Variants in ARK2N observed in about 807,000 individuals in gnomAD.
ARK2N encodes arkadia (RNF111) N-terminal like PKA signaling regulator 2N.
chr18:46,205,542 G>A, the ARK2N span, among the ~76,000 whole-genome samples: 2 of 152,110 alleles, frequency 1.3e-5, no homozygotes, highest in African/African-American at 2.4e-5. Flanking sequence ...TTGCCTATCC[G>A]TTTATATATG....
chr18:46,253,913 G>A, the ARK2N span: 1 of 1,378,840 alleles, frequency 7.3e-7, no homozygotes, highest in East Asian at 2.4e-5. Flanking sequence ...TAGACTTTAT[G>A]GCATAGCTGG....
the ARK2N span, among the ~76,000 whole-genome samples, chr18:46,176,169 G>A: frequency 2.6e-5 from 4 of 152,142 alleles, no homozygotes; most frequent in African/African-American, 7.2e-5. Context: ...AATTCTGTGC[G>A]CTTCTGTAGT....
the ARK2N span, among the ~76,000 whole-genome samples, chr18:46,209,735 A>G: frequency 6.6e-6 from 1 of 152,092 alleles, no homozygotes; most frequent in African/African-American, 2.4e-5. Flanking sequence ...AGCTTGGACT[A>G]CAGGCGTCCG....
At chr18:46,210,053 T>TA in the ARK2N span, among the ~76,000 whole-genome samples, 22 of 151,608 alleles carry the variant, frequency 1.5e-4, no homozygotes, top group East Asian at 9.7e-4. Flanking sequence ...TTCTAGGACT[T>TA]AAAAAAAAAT....
At chr18:46,207,388 CTT>C in the ARK2N span, among the ~76,000 whole-genome samples, 3 of 115,898 alleles carry the variant, frequency 2.6e-5, no homozygotes, top group Non-Finnish European at 3.5e-5. Flanking sequence ...AGTTTCTATA[CTT>C]TTTTTTTTTT....
chr18:46,247,212 G>C, the ARK2N span, among the ~76,000 whole-genome samples: 1 of 151,944 alleles, frequency 6.6e-6, no homozygotes, highest in Non-Finnish European at 1.5e-5. Flanking sequence ...ATTAACAAAA[G>C]TAGCATAGTA....
the ARK2N span, among the ~76,000 whole-genome samples, chr18:46,233,296 T>C: frequency 6.6e-6 from 1 of 152,162 alleles, no homozygotes; most frequent in Non-Finnish European, 1.5e-5. Flanking sequence ...GCAGGGTACA[T>C]AGACATAGGG....
At chr18:46,206,348 AG>A in the ARK2N span, among the ~76,000 whole-genome samples, 1 of 152,010 alleles carries the variant, frequency 6.6e-6, no homozygotes, top group Non-Finnish European at 1.5e-5. Flanking sequence ...TACCTCCCAA[AG>A]TGCCGGGATT....
chr18:46,265,329 T>C, the ARK2N span: 2 of 152,564 alleles, frequency 1.3e-5, no homozygotes, highest in African/African-American at 4.8e-5. Flanking sequence ...TAACCACATA[T>C]TTTTTTTCCC....
chr18:46,187,271 G>T, the ARK2N span, among the ~76,000 whole-genome samples: 28 of 151,082 alleles, frequency 1.9e-4, no homozygotes, highest in African/African-American at 6.5e-4. Flanking sequence ...GACAGAGCGA[G>T]ACTCTGTCTC....
At chr18:46,232,994 A>G in the ARK2N span, 1 of 152,158 alleles carries the variant, frequency 6.6e-6, no homozygotes, top group Non-Finnish European at 1.5e-5. Flanking sequence ...GTTAATTCAC[A>G]TTAGGTGTTC....
chr18:46,212,300 C>G, the ARK2N span, among the ~76,000 whole-genome samples: 595 of 152,238 alleles, frequency 3.9e-3, 3 homozygotes, highest in Middle Eastern at 0.01. Context: ...TCAAGAGATA[C>G]AAAACTGCAT....
the ARK2N span, among the ~76,000 whole-genome samples, chr18:46,250,617 C>T: frequency 5.0e-4 from 76 of 151,660 alleles, no homozygotes; most frequent in Middle Eastern, 3.4e-3. Flanking sequence ...TATTTCCTGT[C>T]CTGCTTGCTA....
the ARK2N span, among the ~76,000 whole-genome samples, chr18:46,210,818 G>A: frequency 5.6e-3 from 850 of 152,184 alleles, 11 homozygotes; most frequent in African/African-American, 0.02. Context: ...GGCTGAGGCG[G>A]GAGGATCACT....
the ARK2N span, among the ~76,000 whole-genome samples, chr18:46,251,916 G>T: frequency 6.6e-6 from 1 of 152,156 alleles, no homozygotes; most frequent in South Asian, 2.1e-4. Context: ...ATTTGGCCAG[G>T]TGCGGTGGCT....
the ARK2N span, among the ~76,000 whole-genome samples, chr18:46,238,657 A>G: frequency 6.6e-6 from 1 of 152,170 alleles, no homozygotes; most frequent in Non-Finnish European, 1.5e-5. Context: ...TGTTCTTTAT[A>G]CAGTGGCACC....
At chr18:46,193,672 C>T in the ARK2N span, among the ~76,000 whole-genome samples, 346 of 147,380 alleles carry the variant, frequency 2.3e-3, 3 homozygotes, top group Non-Finnish European at 3.6e-3. Flanking sequence ...AGTCTCAGCT[C>T]ACTGCAACCT....
At chr18:46,176,267 A>G in the ARK2N span, among the ~76,000 whole-genome samples, 1 of 152,024 alleles carries the variant, frequency 6.6e-6, no homozygotes, top group African/African-American at 2.4e-5. Context: ...ATAAATAGGC[A>G]ATTTCAGTAT....
At chr18:46,176,474 A>G in the ARK2N span, among the ~76,000 whole-genome samples, 5 of 144,324 alleles carry the variant, frequency 3.5e-5, no homozygotes, top group Non-Finnish European at 7.5e-5. Context: ...TTTTTTTTTT[A>G]AAGACACTCT....
Sources: gnomAD v4.1 joint callset for allele counts (sites outside exome capture counted in the v4.1 genomes callset) on GRCh38, gnomAD v4.1.1 for gene constraint, MANE v1.5 for transcripts, NCBI Gene and HGNC (gene_info 2026-07-23, HGNC 2026-07-21) for gene names.